BCAS3: variants seen among roughly 807,000 people sequenced by gnomAD.
BCAS3 encodes the protein BCAS3 microtubule associated cell migration factor.
A neutral mutation model predicts 116.1 loss-of-function variants in BCAS3; 53 were observed. That is an observed-to-expected ratio of 0.46 (90% CI 0.37 to 0.57). The LOEUF (loss-of-function observed/expected upper bound fraction) is 0.57, where lower values mean the gene tolerates loss of function less well. Ranked by LOEUF, BCAS3 falls within the 20% of genes least tolerant of loss-of-function variation. BCAS3 has a pLI of 0.00. For synonymous variants in BCAS3, 391 were observed against 408.2 expected, an observed-to-expected ratio of 0.96 and a Z score of 0.51; for missense variants, 917 against 1,165.4, an observed-to-expected ratio of 0.79 and a Z score of 3.10.
chr17:60,694,513 T>G (rs2035318733), intron 4 of BCAS3, among the ~76,000 whole-genome samples: 2 of 151,860 alleles, frequency 1.3e-5, no homozygotes, highest in African/African-American at 4.8e-5. Flanking sequence ...AAAAAAAAAT[T>G]TATTGATCAT....
At chr17:60,856,606 G>A (rs374062092) in intron 7 of BCAS3, among the ~76,000 whole-genome samples, 10 of 152,002 alleles carry the variant, frequency 6.6e-5, no homozygotes, top group African/African-American at 4.8e-5. Context: ...CATGAGAATC[G>A]CTTGAACCTG....
intron 22 of BCAS3, among the ~76,000 whole-genome samples, chr17:61,223,151 C>CTTTTTTTTTTTTT (rs34499099): frequency 2.5e-5 from 2 of 79,064 alleles, no homozygotes; most frequent in African/African-American, 5.3e-5. Flanking sequence ...GATGCAGCGC[C>CTTTTTTTTTTTTT]TTTTTTTTTT....
chr17:61,297,106 G>A (rs543699251), intron 22 of BCAS3, among the ~76,000 whole-genome samples: 2 of 152,308 alleles, frequency 1.3e-5, no homozygotes, highest in African/African-American at 4.8e-5. Flanking sequence ...AATGCCTTCC[G>A]TAAGGTAGGG....
At chr17:60,767,924 C>T (rs2044279671) in intron 6 of BCAS3, among the ~76,000 whole-genome samples, 1 of 152,178 alleles carries the variant, frequency 6.6e-6, no homozygotes, top group African/African-American at 2.4e-5. Context: ...CCTCAGCCTT[C>T]TGAGTAGCTG....
In BCAS3 at chr17:61,037,326, A is replaced by T. The variant is rs181675976; in HGVS notation, c.1763-563A>T. Among the ~76,000 whole-genome samples, 83 of 152,300 alleles carry T rather than the reference A, an allele frequency of 5.4e-4. 3 individuals carry two copies. In the East Asian group the frequency reaches 0.015, roughly 27 times the overall value. On this transcript the variant is annotated intron_variant, in intron 17 of 23. Coordinates refer to ENST00000407086, the MANE Select transcript of BCAS3 (RefSeq NM_017679.5). This position sits in a 1 kb window ranked among gnomAD's most constrained non-coding sequence, Gnocchi z 4.7. ...AGACAAGTACAAAAGTCTATGAAGG[A>T]TTTTACTATATTAGGATTTGGGGCA...
At position 61,249,730 on chromosome 17, in the gene BCAS3, A is replaced by G. The variant is rs947368025; in HGVS notation, c.2426-118597A>G. Among the ~76,000 whole-genome samples, 3 of 151,852 alleles carry G rather than the reference A, an allele frequency of 2.0e-5. No homozygotes were observed. Among genetic ancestry groups the G allele is most frequent in the African/African-American group, 7.3e-5 (3 of 41,094 alleles). On this transcript the variant is annotated intron_variant, in intron 22 of 23. Transcript: ENST00000407086. This position sits in a 1 kb window ranked among gnomAD's most constrained non-coding sequence, Gnocchi z 6.2. ...ATCATGGTCACAGGAGTTATTTCCA[A>G]GGATGTTTAAGTAGCTGCTCTCTGC...
rs2058784495 is a variant in BCAS3 at position 61,367,116 on chromosome 17, G to A, written c.2426-1211G>A. Among the ~76,000 whole-genome samples the A allele has an allele frequency of 6.6e-6, 1 of 152,230 alleles. No individual in the cohort carries two copies. Among genetic ancestry groups the A allele is most frequent in the South Asian group, 2.1e-4 (1 of 4,834 alleles). On this transcript the variant is annotated intron_variant, in intron 22 of 23. Coordinates refer to ENST00000407086, the MANE Select transcript of BCAS3 (RefSeq NM_017679.5). This position sits in a 1 kb window ranked among gnomAD's most constrained non-coding sequence, Gnocchi z 6.2. ...CAGCCCTCACTGCCTGGCGAAGATA[G>A]TTTCTGACGGCTGATCAAAGAGGAG... is the stretch of plus-strand genomic sequence containing the variant.
rs527806918 is a variant in BCAS3 at position 61,051,256 on chromosome 17, G to C, written c.2029+10364G>C. 6.6e-6 allele frequency among the ~76,000 whole-genome samples: 1 copy of C among 152,088 alleles called. No individual in the cohort carries two copies. The highest frequency in any genetic ancestry group is 1.5e-5 in the Non-Finnish European group (1 of 67,948). ...ACATTCTCAAAATGACAAAATTATA[G>C]AGATAGATAATAGATTAGTGGTGCC... On this transcript the variant is annotated intron_variant, in intron 19 of 23. Transcript: ENST00000407086. The surrounding 1 kb of genome is among the most constrained non-coding windows in gnomAD (Gnocchi z 4.1).
In BCAS3 at chr17:61,337,201, G is replaced by A. The variant is rs183906753; in HGVS notation, c.2426-31126G>A. The stretch of plus-strand genomic sequence containing the variant: ...CCCTTTTTTATACTTTATTTAAATC[G>A]CCTCACCCGAGTGGAACAGGGACGT... On this transcript the variant is annotated intron_variant, in intron 22 of 23. Coordinates refer to ENST00000407086, the MANE Select transcript of BCAS3 (RefSeq NM_017679.5). This position sits in a 1 kb window ranked among gnomAD's most constrained non-coding sequence, Gnocchi z 4.8. 6.6e-6 allele frequency among the ~76,000 whole-genome samples: 1 copy of A among 152,128 alleles called. No homozygotes were observed. The highest frequency in any genetic ancestry group is 1.9e-4 in the East Asian group (1 of 5,186).
chr17:61,125,051 A>G (rs1357647635), intron 22 of BCAS3, among the ~76,000 whole-genome samples: 3 of 152,226 alleles, frequency 2.0e-5, no homozygotes, highest in Non-Finnish European at 4.4e-5. Context: ...TATTTGAACT[A>G]AAAAGATAGA....
At chr17:61,129,783 T>C (rs776914938) in intron 22 of BCAS3, among the ~76,000 whole-genome samples, 52 of 152,242 alleles carry the variant, frequency 3.4e-4, no homozygotes, top group Non-Finnish European at 5.9e-4. Context: ...TCCTTGTCCA[T>C]AGTTTGGAAC....
intron 22 of BCAS3, among the ~76,000 whole-genome samples, chr17:61,303,082 C>T (rs985204303): frequency 1.3e-5 from 2 of 152,164 alleles, no homozygotes; most frequent in Non-Finnish European, 2.9e-5. Context: ...GAGATGGACC[C>T]GAAGCACTTC....
In BCAS3 at chr17:60,961,300, A is replaced by C. The variant is rs1196042995; in HGVS notation, c.1221+13948A>C. ...GTTCTACCAGAGAAACAGAATCAGT[A>C]GGGCATTACAGAGGTTTATCAGCAT... On this transcript the variant is annotated intron_variant, in intron 14 of 23. Coordinates refer to ENST00000407086, the MANE Select transcript of BCAS3 (RefSeq NM_017679.5). This position sits in a 1 kb window ranked among gnomAD's most constrained non-coding sequence, Gnocchi z 4.8. Among the ~76,000 whole-genome samples the C allele has an allele frequency of 6.6e-6, 1 of 152,176 alleles. No individual in the cohort carries two copies. Among genetic ancestry groups the C allele is most frequent in the Non-Finnish European group, 1.5e-5 (1 of 68,034 alleles).
At chr17:61,231,391 T>C (rs2082671447) in intron 22 of BCAS3, among the ~76,000 whole-genome samples, 1 of 152,218 alleles carries the variant, frequency 6.6e-6, no homozygotes, top group Non-Finnish European at 1.5e-5. Flanking sequence ...GCCTGTTTAC[T>C]CTCTTGATAG....
chr17:61,067,740 A>AAAAT (rs1555697139), intron 19 of BCAS3, among the ~76,000 whole-genome samples: 1 of 133,742 alleles, frequency 7.5e-6, no homozygotes, highest in Non-Finnish European at 1.5e-5. Flanking sequence ...AAAAAAAAAA[A>AAAAT]ATATATATAT....
intron 19 of BCAS3, among the ~76,000 whole-genome samples, chr17:61,060,668 A>C (rs528727955): frequency 6.6e-6 from 1 of 152,358 alleles, no homozygotes; most frequent in South Asian, 2.1e-4. Flanking sequence ...TTTTAAAAAA[A>C]TTATTGGAGA....
intron 22 of BCAS3, among the ~76,000 whole-genome samples, chr17:61,184,469 G>A (rs1294248180): frequency 1.3e-5 from 2 of 152,162 alleles, no homozygotes; most frequent in African/African-American, 4.8e-5. Context: ...GTGAGGATGT[G>A]AAGAAACTGT....
chr17:60,808,453 A>ATTT (rs2048488790), intron 7 of BCAS3, among the ~76,000 whole-genome samples: 1 of 152,230 alleles, frequency 6.6e-6, no homozygotes. Flanking sequence ...GTTGGCTACT[A>ATTT]GCAGTCTTGG....
Position 60,687,229 on chromosome 17 carries a change from C to T in BCAS3, c.139-2457C>T, listed in dbSNP as rs114606815. Among the ~76,000 whole-genome samples, 1,316 of 152,256 alleles carry T rather than the reference C, an allele frequency of 8.6e-3. 12 individuals carry two copies. The highest frequency in any genetic ancestry group is 0.028 in the African/African-American group (1,147 of 41,540). ...TTGACTTTAAATAAGAGGGCTAAAT[C>T]GGTTGCTCTTGTTTGAAGAAGGGCT... On this transcript the variant is annotated intron_variant, in intron 3 of 23. Coordinates refer to ENST00000407086, the MANE Select transcript of BCAS3 (RefSeq NM_017679.5).
Sources: allele counts gnomAD v4.1 joint callset (sites outside exome capture counted in the v4.1 genomes callset), GRCh38; gene constraint gnomAD v4.1.1; non-coding constraint Gnocchi (gnomAD v3.1); transcripts MANE v1.5; gene names NCBI Gene and HGNC (gene_info 2026-07-23, HGNC 2026-07-21).